Variants in SMARCA4 observed in about 807,000 individuals in gnomAD.
SMARCA4 encodes the protein SWI/SNF-related matrix-associated actin-dependent regulator of chromatin subfamily A member 4.
Under a neutral mutation model 193.9 loss-of-function variants are expected in SMARCA4, and 31 were observed. The observed-to-expected ratio is 0.16, with a 90% CI of 0.12 to 0.22. SMARCA4 has a LOEUF of 0.22. Ranked by LOEUF, SMARCA4 falls within the 10% of genes least tolerant of loss-of-function variation. The probability of loss-of-function intolerance (pLI) is 1.00; values close to 1 mark genes in which losing one functional copy is unlikely to be tolerated. For missense variants in SMARCA4, 1,148 were observed against 2,296.0 expected (o/e 0.50, Z 10.22); for synonymous variants, 942 against 933.1 (o/e 1.01, Z -0.17).
At chr19:11,054,676 G>A (rs1329385421) in intron 30 of SMARCA4, among the ~76,000 whole-genome samples, 2 of 152,194 alleles carry the variant, frequency 1.3e-5, no homozygotes, top group African/African-American at 4.8e-5. Context: ...TGTAATGCCA[G>A]CTACTTGGAG....
rs2146669776 is a variant in SMARCA4 at position 11,033,892 on chromosome 19, C to T, written c.3873+27C>T. The T allele has an allele frequency of 1.3e-6, 1 of 774,478 alleles. No homozygotes were observed. Among genetic ancestry groups the T allele is most frequent in the Non-Finnish European group, 2.4e-6 (1 of 417,314 alleles). The allele number at this position is 774,478 out of a possible 1,614,324, so 48.0% of individuals were successfully genotyped here. A position where few individuals can be genotyped will look rare whatever the true frequency, so the allele number is the denominator to read the frequency against. ...TGAGAGGGGTAGTTCAGTCTCCATG[C>T]CCATTCAATCCTCGGCTTCTCGGCT... On this transcript the variant is annotated intron_variant, in intron 27 of 34. Coordinates refer to ENST00000344626, the MANE Select transcript of SMARCA4 (RefSeq NM_003072.5). This position sits in a 1 kb window ranked among gnomAD's most constrained non-coding sequence, Gnocchi z 9.8.
intron 1 of SMARCA4, among the ~76,000 whole-genome samples, chr19:10,973,781 G>A (rs2084876615): frequency 6.6e-6 from 1 of 152,092 alleles, no homozygotes; most frequent in African/African-American, 2.4e-5. Context: ...GTGTTAGCCA[G>A]GATGGTCTCG....
rs946167726 is a variant in SMARCA4, at chr19:10,987,488, G to T, written c.860-178G>T. On this transcript the variant is annotated intron_variant, in intron 5 of 34. Transcript: ENST00000344626. The surrounding 1 kb of genome is among the most constrained non-coding windows in gnomAD (Gnocchi z 5.3). ...GGGTGTGAAGGACGAGGGTGAGGCT[G>T]AGATCTGGAGGAGGTTGGAGCCCAA... 1.3e-5 allele frequency among the ~76,000 whole-genome samples: 2 copies of T among 152,200 alleles called. No individual in the cohort carries two copies. Among genetic ancestry groups the T allele is most frequent in the African/African-American group, 4.8e-5 (2 of 41,454 alleles).
intron 16 of SMARCA4, among the ~76,000 whole-genome samples, chr19:11,014,187 A>AC (rs1158247326): frequency 6.6e-6 from 1 of 151,738 alleles, no homozygotes; most frequent in Non-Finnish European, 1.5e-5. Flanking sequence ...TCAGCAGCGG[A>AC]CCCCCAACTC....
Position 11,033,865 on chromosome 19 carries a change from G to A in SMARCA4, c.3873G>A (p.Lys1291=), listed in dbSNP as rs2075094217. Residue 1291 remains lysine, a splice_region_variant and synonymous_variant, in exon 27 of 35, where the codon AAG becomes AAA. Transcript: ENST00000344626. This position sits in a 1 kb window ranked among gnomAD's most constrained non-coding sequence, Gnocchi z 9.8. ...CCGACTTGGAGGAGCCACCTCTAAA[G>A]GTGAGAGGGGTAGTTCAGTCTCCAT... The part of the protein sequence containing the change: ...VNPDLEEPPL[K]EEDEVPDDET... 1 of 778,618 alleles carries A rather than the reference G, an allele frequency of 1.3e-6. No individual in the cohort carries two copies. The highest frequency in any genetic ancestry group is 2.4e-5 in the East Asian group (1 of 41,216). The allele number at this position is 778,618 out of a possible 1,614,324, so 48.2% of individuals were successfully genotyped here.
chr19:11,008,739 C>T (rs2088492647), intron 14 of SMARCA4, among the ~76,000 whole-genome samples: 1 of 151,578 alleles, frequency 6.6e-6, no homozygotes, highest in African/African-American at 2.4e-5. Flanking sequence ...TTTGGGAGGC[C>T]AAGGCAGGTG....
chr19:10,994,329 T>G (rs1417493638), intron 8 of SMARCA4, among the ~76,000 whole-genome samples: 1 of 146,520 alleles, frequency 6.8e-6, no homozygotes, highest in Non-Finnish European at 1.5e-5. Context: ...TTTTTTTTTT[T>G]TTTTTTTTTT....
chr19:11,012,780 T>C (rs904463437), intron 15 of SMARCA4, 169 bp from the exon 16 acceptor site: 1 of 694,716 alleles, frequency 1.4e-6, no homozygotes, highest in Non-Finnish European at 2.6e-6. Context: ...GGCTAAGCGA[T>C]AAAGAATCAG....
intron 8 of SMARCA4, 37 bp downstream of exon 8, chr19:10,991,360 C>A (rs1425182842): frequency 6.4e-7 from 1 of 1,559,324 alleles, no homozygotes; most frequent in East Asian, 2.4e-5. Flanking sequence ...GCAGCCCGCC[C>A]ACCTGGCTGC....
chr19:10,961,283 GC>G (rs2083776544), intron 1 of SMARCA4, 109 bp downstream of exon 1: 2 of 149,650 alleles, frequency 1.3e-5, no homozygotes, highest in Admixed American at 6.6e-5. Context: ...CCTGTGCGGG[GC>G]CGGGGTACGG....
intron 7 of SMARCA4, among the ~76,000 whole-genome samples, chr19:10,990,412 G>T (rs1432967510): frequency 1.3e-5 from 2 of 152,144 alleles, no homozygotes; most frequent in Non-Finnish European, 2.9e-5. Context: ...CTGAGTAGCT[G>T]GGATTACAGG....
At chr19:11,052,123 A>G (rs1325041869) in intron 30 of SMARCA4, among the ~76,000 whole-genome samples, 1 of 152,182 alleles carries the variant, frequency 6.6e-6, no homozygotes, top group Non-Finnish European at 1.5e-5. Context: ...ATAGATGATC[A>G]TAGACAGGAG....
At chr19:11,051,171 TG>T (rs1192356823) in intron 30 of SMARCA4, among the ~76,000 whole-genome samples, 4 of 152,210 alleles carry the variant, frequency 2.6e-5, no homozygotes, top group Admixed American at 2.6e-4. Flanking sequence ...CTCCTCTGTT[TG>T]TGAGTCGGGC....
chr19:11,001,411 A>T (rs1008505743), intron 11 of SMARCA4, among the ~76,000 whole-genome samples: 2 of 152,152 alleles, frequency 1.3e-5, no homozygotes, highest in African/African-American at 4.8e-5. Context: ...TGAGGCTGTG[A>T]TCACACCTGT....
At chr19:11,022,081 A>G in intron 19 of SMARCA4, 114 bp downstream of exon 19, 11 of 1,501,628 alleles carry the variant, frequency 7.3e-6, no homozygotes, top group Middle Eastern at 2.4e-4. Flanking sequence ...GTGCCTGGTG[A>G]GAGTCTGCAT....
chr19:10,964,117 C>A (rs569662881), intron 1 of SMARCA4, among the ~76,000 whole-genome samples: 86 of 152,070 alleles, frequency 5.7e-4, no homozygotes, highest in Non-Finnish European at 1.1e-3. Flanking sequence ...GGTCTCTAAA[C>A]TTCTTGTCAG....
chr19:11,051,644 C>T (rs2076269345), intron 30 of SMARCA4, among the ~76,000 whole-genome samples: 1 of 152,036 alleles, frequency 6.6e-6, no homozygotes, highest in Non-Finnish European at 1.5e-5. Flanking sequence ...GCATGCACCA[C>T]CACGCCCAGC....
Position 10,984,381 on chromosome 19 carries a change from T to A in SMARCA4, c.222+8T>A, listed in dbSNP as rs1421634123. 1 of 1,572,862 alleles carries A rather than the reference T, an allele frequency of 6.4e-7. No individual in the cohort carries two copies. The highest frequency in any genetic ancestry group is 8.6e-7 in the Non-Finnish European group (1 of 1,159,034). Reference sequence around the variant, plus strand: ...ATGCACCAGATGCACAAGGTAGGGATCCCTGTGCCCGCCTCGCACCTGCGG... The same window carrying A: ...ATGCACCAGATGCACAAGGTAGGGAACCCTGTGCCCGCCTCGCACCTGCGG... On this transcript the variant is annotated splice_region_variant and intron_variant, in intron 2 of 34. Transcript: ENST00000344626. The surrounding 1 kb of genome is among the most constrained non-coding windows in gnomAD (Gnocchi z 4.3).
chr19:11,039,408 G>T lies in SMARCA4; in HGVS notation c.4171-1899G>T, dbSNP rs764151110. On this transcript the variant is annotated intron_variant, in intron 29 of 34. Transcript: ENST00000344626. ...AAGAACAAGGGGAGGCTAAATTAGG[G>T]CACGTTGTGCACTGAAACACTAAAC... 7.4e-6 allele frequency: 8 copies of T among 1,078,840 alleles called. No homozygotes were observed. The East Asian group carries it at 2.2e-4, about 29-fold the overall frequency. The allele number at this position is 1,078,840 out of a possible 1,614,324, so 66.8% of individuals were successfully genotyped here.
Sources: gnomAD v4.1 joint callset for allele counts (sites outside exome capture counted in the v4.1 genomes callset) on GRCh38, gnomAD v4.1.1 for gene constraint, Gnocchi (gnomAD v3.1) non-coding constraint, MANE v1.5 for transcripts, NCBI Gene and HGNC (gene_info 2026-07-23, HGNC 2026-07-21) for gene names.